NEXMIF: variants seen among roughly 807,000 people sequenced by gnomAD.
NEXMIF encodes the protein neurite extension and migration factor.
A neutral mutation model predicts 62.1 loss-of-function variants in NEXMIF; 8 were observed. That is an observed-to-expected ratio of 0.13 (90% confidence interval 0.08 to 0.23). NEXMIF has a LOEUF of 0.23. NEXMIF is among the 10% of genes least tolerant of loss of function. NEXMIF has a pLI of 1.00. For synonymous variants in NEXMIF, 404 were observed against 416.6 expected (o/e 0.97, Z 0.37); for missense variants, 976 against 1,113.3 (o/e 0.88, Z 1.75).
chrX:74,864,231 C>A (rs1342285943), intron 1 of NEXMIF, among the ~76,000 whole-genome samples: 1 of 111,884 alleles, frequency 8.9e-6, no homozygotes, highest in Non-Finnish European at 1.9e-5. Context: ...CTGGCCAGGG[C>A]AATCGGTCAA....
At chrX:74,783,801 A>G (rs2080253206) in intron 1 of NEXMIF, among the ~76,000 whole-genome samples, 1 of 111,810 alleles carries the variant, frequency 8.9e-6, no homozygotes, top group African/African-American at 3.2e-5. Flanking sequence ...CAGGAGGTTT[A>G]TTGTCCATCT....
In NEXMIF at chrX:74,749,620, C is replaced by A. The variant is rs185263443; in HGVS notation, c.-47-3923G>T. Among the ~76,000 whole-genome samples the A allele has an allele frequency of 6.3e-5, 7 of 110,721 alleles. No homozygotes were observed. The East Asian group carries it at 2.0e-3, about 32-fold the overall frequency. ...TCCCCTTTTCCCATTCCTTCCCTTC[C>A]CCTTTCCCAACCTCCCTTTCACCTC... On this transcript the variant is annotated intron_variant, in intron 1 of 3. Transcript: ENST00000055682.
At chrX:74,873,202 C>T (rs2080611272) in intron 1 of NEXMIF, among the ~76,000 whole-genome samples, 1 of 110,030 alleles carries the variant, frequency 9.1e-6, no homozygotes, top group African/African-American at 3.3e-5. Context: ...CATGTGTTCT[C>T]ATTGTTCAAT....
rs752311812 is a variant in NEXMIF, at chrX:74,742,297, A to G, written c.2260T>C (p.Ser754Pro). 5 of 1,211,621 alleles carry G rather than the reference A, an allele frequency of 4.1e-6. No homozygotes were observed. The East Asian group carries it at 1.2e-4, about 29-fold the overall frequency. The change falls in exon 3 of 4, where the codon TCC becomes CCC. Residue 754 changes from serine (S) to proline (P), a missense_variant. Physicochemically the swap from Ser to Pro is moderately conservative, Grantham distance 74 (BLOSUM62 -1). This residue lies in a region of NEXMIF where 639 missense variants were observed against 694.5 expected (regional missense o/e 0.92). Transcript: ENST00000055682. ...TCATTCTTTAAATTAGCCTTTGAGG[A>G]TTGGTTTTCCAAGAGAGGGCTCATT... ...VQMSPLLENQ[S>P]SKANLKNEVI...
intron 1 of NEXMIF, among the ~76,000 whole-genome samples, chrX:74,886,517 A>T (rs1302457156): frequency 8.9e-6 from 1 of 111,889 alleles, no homozygotes; most frequent in East Asian, 2.8e-4. Context: ...AGACAAACAG[A>T]GAGCCAAATC....
chrX:74,829,685 C>T (rs1052349748), intron 1 of NEXMIF, among the ~76,000 whole-genome samples: 1 of 111,808 alleles, frequency 8.9e-6, no homozygotes, highest in Non-Finnish European at 1.9e-5. Flanking sequence ...TAGGAGAGTT[C>T]CCTTTTCTCC....
At chrX:74,854,875 C>G (rs2080529118) in intron 1 of NEXMIF, among the ~76,000 whole-genome samples, 1 of 111,647 alleles carries the variant, frequency 9.0e-6, no homozygotes, top group Non-Finnish European at 1.9e-5. Flanking sequence ...TAAATGACCT[C>G]TTTTAAAGAA....
intron 1 of NEXMIF, among the ~76,000 whole-genome samples, chrX:74,873,124 A>T (rs1178481374): frequency 9.1e-6 from 1 of 110,032 alleles, no homozygotes; most frequent in African/African-American, 3.3e-5. Context: ...ATATCTCCCA[A>T]TGCTATCCCT....
At chrX:74,923,268 T>C (rs1302703433) in intron 1 of NEXMIF, among the ~76,000 whole-genome samples, 1 of 111,951 alleles carries the variant, frequency 8.9e-6, no homozygotes, top group East Asian at 2.8e-4. Flanking sequence ...AAATACGTTT[T>C]TGTTGTTACT....
chrX:74,793,170 G>C (rs1422220679), intron 1 of NEXMIF, among the ~76,000 whole-genome samples: 1 of 110,659 alleles, frequency 9.0e-6, no homozygotes, highest in African/African-American at 3.3e-5. Context: ...GGGCAGGCCT[G>C]GTGGTGACAA....
chrX:74,879,899 T>C (rs186572385), intron 1 of NEXMIF, among the ~76,000 whole-genome samples: 19 of 112,134 alleles, frequency 1.7e-4, no homozygotes, highest in African/African-American at 5.5e-4. Context: ...ACGCTTGGGA[T>C]TATTTGTACT....
intron 1 of NEXMIF, among the ~76,000 whole-genome samples, chrX:74,781,830 A>C (rs749252823): frequency 9.1e-6 from 1 of 109,591 alleles, no homozygotes; most frequent in Non-Finnish European, 1.9e-5. Context: ...TGTATGTGAA[A>C]GCCTTAGGTG....
At chrX:74,900,290 C>G (rs945854593) in intron 1 of NEXMIF, among the ~76,000 whole-genome samples, 1 of 108,650 alleles carries the variant, frequency 9.2e-6, no homozygotes, top group Admixed American at 9.8e-5. Context: ...TGGTGAAAAT[C>G]CCGTCTCTAC....
chrX:74,747,279 C>A (rs1189770718), intron 1 of NEXMIF, among the ~76,000 whole-genome samples: 3 of 111,499 alleles, frequency 2.7e-5, no homozygotes, highest in African/African-American at 6.5e-5. Context: ...TAACTACAAG[C>A]AAGTCCATTT....
Position 74,815,867 on chromosome X carries a change from C to T in NEXMIF, c.-47-70170G>A, listed in dbSNP as rs778437714. 1.7e-4 allele frequency among the ~76,000 whole-genome samples: 19 copies of T among 110,209 alleles called. No homozygotes were observed. The East Asian group carries it at 5.1e-3, about 30-fold the overall frequency. On this transcript the variant is annotated intron_variant, in intron 1 of 3. Coordinates refer to ENST00000055682, the MANE Select transcript of NEXMIF (RefSeq NM_001008537.3). ...GCCAGGATGGTCTTGATCTCCTGAC[C>T]TCGTGATCCACCCGCCTCGGCATCC... is the stretch of plus-strand genomic sequence containing the variant.
At position 74,740,901 on chromosome X, in the gene NEXMIF, A is replaced by G. The variant is rs963668460; in HGVS notation, c.3656T>C (p.Val1219Ala). The G allele has an allele frequency of 8.3e-7, 1 of 1,209,704 alleles. No homozygotes were observed. The highest frequency in any genetic ancestry group is 1.1e-6 in the Non-Finnish European group (1 of 894,960). The change falls in exon 3 of 4, where the codon GTC (valine) becomes GCC (alanine). Residue 1219 changes from valine (V) to alanine (A), a missense_variant. Around this residue, in one of 5 missense-constraint regions of NEXMIF, gnomAD observed 639 missense variants for 694.5 expected, o/e 0.92. Transcript: ENST00000055682. Reference sequence around the variant, plus strand: ...TTTCCCTTTCTTTGTGGACTTAGGGACCTGGCGGGAGTTTTTGCCAGGTGG... The same window carrying G: ...TTTCCCTTTCTTTGTGGACTTAGGGGCCTGGCGGGAGTTTTTGCCAGGTGG... ...EKPPGKNSRQ[V>A]PKSTKKGKYM...
chrX:74,880,988 T>C, intron 1 of NEXMIF, among the ~76,000 whole-genome samples: 1 of 111,378 alleles, frequency 9.0e-6, no homozygotes, highest in Middle Eastern at 4.7e-3. Context: ...GCTCCACCTA[T>C]TTAAAAGAAA....
At chrX:74,920,044 G>C (rs1188952928) in intron 1 of NEXMIF, among the ~76,000 whole-genome samples, 2 of 111,807 alleles carry the variant, frequency 1.8e-5, no homozygotes, top group Non-Finnish European at 3.8e-5. Flanking sequence ...GTTTGGGTTG[G>C]TTCCAAGTCT....
intron 1 of NEXMIF, among the ~76,000 whole-genome samples, chrX:74,844,462 A>G (rs771644738): frequency 9.0e-6 from 1 of 111,564 alleles, no homozygotes; most frequent in Non-Finnish European, 1.9e-5. Context: ...CACTTTCTCC[A>G]TCTTCCAGGT....
Sources: allele counts gnomAD v4.1 joint callset (sites outside exome capture counted in the v4.1 genomes callset), GRCh38; gene constraint gnomAD v4.1.1; regional missense constraint gnomAD v4.1.1; transcripts MANE v1.5; gene names NCBI Gene and HGNC (gene_info 2026-07-23, HGNC 2026-07-21).